The following AP1G2 variants were observed in gnomAD, a reference collection of about 807,000 sequenced individuals.
AP1G2 encodes AP-1 complex subunit gamma-like 2.
In AP1G2, 85 loss-of-function variants were observed where a neutral mutation model predicts 95.8. The ratio of observed to expected loss-of-function variants is 0.89; its 90% CI spans 0.74 to 1.06. The LOEUF is 1.06. Ranked by LOEUF, AP1G2 falls within the 50% of genes least tolerant of loss-of-function variation. The probability of loss-of-function intolerance (pLI) is 0.00; values close to 1 mark genes in which losing one functional copy is unlikely to be tolerated. For missense variants in AP1G2, 967 were observed against 1,005.8 expected, an observed-to-expected ratio of 0.96 and a Z score of 0.52; for synonymous variants, 378 against 400.0, an observed-to-expected ratio of 0.94 and a Z score of 0.66.
rs1469238781 is a variant in AP1G2, at chr14:23,567,196, C to A, written c.119G>T (p.Arg40Leu). 6.2e-7 allele frequency: 1 copy of A among 1,612,982 alleles called. No homozygotes were observed. The highest frequency in any genetic ancestry group is 1.1e-5 in the South Asian group (1 of 91,006). Residue 40 changes from arginine to leucine, a missense_variant, in exon 2 of 22, where the codon CGC (arginine) becomes CTC (leucine). Arg to Leu is a moderately radical substitution (Grantham distance 102, BLOSUM62 -2). Coordinates refer to ENST00000397120, the MANE Select transcript of AP1G2 (RefSeq NM_003917.5). The surrounding 1 kb of genome is among the most constrained non-coding windows in gnomAD (Gnocchi z 5.3). Reference protein sequence around the residue: ...KECAHIRASFRDGDPVHRHRQ... With the variant: ...KECAHIRASFLDGDPVHRHRQ... The stretch of plus-strand genomic sequence containing the variant: ...GTGCCTGTGCACTGGGTCCCCGTCG[C>A]GGAAGGAGGCCCGGATGTGGGCACA...
In AP1G2 at chr14:23,566,700, G is replaced by A; in HGVS notation, c.205-14C>T. 1.9e-6 allele frequency: 3 copies of A among 1,612,976 alleles called. No homozygotes were observed. Among genetic ancestry groups the A allele is most frequent in the Non-Finnish European group, 1.7e-6 (2 of 1,179,050 alleles). On this transcript the variant is annotated splice_polypyrimidine_tract_variant and intron_variant, in intron 2 of 21. Transcript: ENST00000397120. ...CAGGCACTCCATCTATAGTGAAGGGGGCAGACCAGGAAGAGGCAGGGGTGA... is the reference window on the plus strand; with the variant it reads ...CAGGCACTCCATCTATAGTGAAGGGAGCAGACCAGGAAGAGGCAGGGGTGA...
At position 23,560,300 on chromosome 14, in the gene AP1G2, T is replaced by G; in HGVS notation, c.2112A>C (p.Ser704=). The change falls in exon 20 of 22, where the codon TCA becomes TCC. Residue 704 remains serine, a synonymous_variant. Transcript: ENST00000397120. ...LLITITATNF[S]EGDVTHFICQ... ...AGATGAAATGGGTGACATCACCCTC[T>G]GAGAAGTTGGTGGCAGTGATGGTGA... 1 of 1,614,054 alleles carries G rather than the reference T, an allele frequency of 6.2e-7. No homozygotes were observed. Among genetic ancestry groups the G allele is most frequent in the Non-Finnish European group, 8.5e-7 (1 of 1,180,020 alleles).
chr14:23,559,848 G>A lies in AP1G2; in HGVS notation c.2259C>T (p.Ala753=), dbSNP rs1365527047. 3.7e-6 allele frequency: 6 copies of A among 1,613,936 alleles called. No homozygotes were observed. Among genetic ancestry groups the A allele is most frequent in the African/African-American group, 1.3e-5 (1 of 74,900 alleles). The stretch of plus-strand genomic sequence containing the variant: ...TGAGGCGCAGCTTTAGCCGCAGGGG[G>A]GCCTAGGAATAGGAGAGCAGGGACC... The part of the protein sequence containing the change: ...QLFRILNPNK[A]PLRLKLRLTY... The change falls in exon 22 of 22, where the codon GCC becomes GCT. Residue 753 remains alanine, a splice_region_variant and synonymous_variant. Coordinates refer to ENST00000397120, the MANE Select transcript of AP1G2 (RefSeq NM_003917.5).
rs199538115 is a variant in AP1G2, at chr14:23,566,268, G to A, written c.471+10C>T. The A allele has an allele frequency of 3.8e-5, 61 of 1,613,368 alleles. 1 individual carries two copies. The South Asian group carries it at 4.7e-4, about 12-fold the overall frequency. ...TGCAGGAGCACGTGCCAGGAGTCCCGCCATCTCACCTTCTTGCGCACGTAG... is the reference window on the plus strand; with the variant it reads ...TGCAGGAGCACGTGCCAGGAGTCCCACCATCTCACCTTCTTGCGCACGTAG... On this transcript the variant is annotated intron_variant, in intron 4 of 21. Transcript: ENST00000397120.
rs1888777923 is a variant in AP1G2, at chr14:23,567,773, CA to C, written c.-41del. 11 of 1,003,944 alleles carry C rather than the reference CA, an allele frequency of 1.1e-5. No homozygotes were observed. The South Asian group carries it at 4.4e-4, about 41-fold the overall frequency. 62.2% of individuals were successfully genotyped at this position (1,003,944 alleles called of 1,614,324 possible). ...GCCTCAACTCCGCTCCTCTGCCCCC[CA>C]GCGCTTCCTGGTACGGGGCCGAGCA... On this transcript the variant is annotated 5_prime_UTR_variant, in exon 1 of 22. Coordinates refer to ENST00000397120, the MANE Select transcript of AP1G2 (RefSeq NM_003917.5). This position sits in a 1 kb window ranked among gnomAD's most constrained non-coding sequence, Gnocchi z 5.3.
chr14:23,563,784 G>A lies in AP1G2; in HGVS notation c.1164C>T (p.Ala388=). The change falls in exon 12 of 22, where the codon GCC becomes GCT. Residue 388 remains alanine, a synonymous_variant. Transcript: ENST00000397120. The part of the protein sequence containing the change: ...NVRAMMQELQ[A]FLESCPPDLR... ...GGTCAGGAGGGCAGGACTCCAGAAA[G>A]GCCTGCAGCTCTTGCATCATGGCTC... 1 of 1,614,174 alleles carries A rather than the reference G, an allele frequency of 6.2e-7. No individual in the cohort carries two copies.
chr14:23,564,621 C>A lies in AP1G2; in HGVS notation c.862G>T (p.Ala288Ser). The A allele has an allele frequency of 6.2e-7, 1 of 1,613,752 alleles. No homozygotes were observed. The highest frequency in any genetic ancestry group is 2.2e-5 in the East Asian group (1 of 44,880). Residue 288 changes from alanine to serine, a missense_variant, in exon 9 of 22, where the codon GCG becomes TCG. Transcript: ENST00000397120. ...GTGAGTACTGTCTCAAACAGGACCG[C>A]ATTTCCGGCATTTCGGCTGGTGTCC... Reference protein sequence around the residue: ...NTDTSRNAGNAVLFETVLTIM... With the variant: ...NTDTSRNAGNSVLFETVLTIM...
chr14:23,566,744 C>T (rs1888228723), intron 2 of AP1G2, 58 bp from the exon 3 acceptor site: 1 of 1,593,444 alleles, frequency 6.3e-7, no homozygotes, highest in Non-Finnish European at 8.6e-7. Flanking sequence ...ACACTCACAT[C>T]CCTGTTCCAT....
Position 23,565,601 on chromosome 14 carries a change from C to T in AP1G2, c.741+5G>A, listed in dbSNP as rs774522496. 6.2e-7 allele frequency: 1 copy of T among 1,611,758 alleles called. No individual in the cohort carries two copies. The highest frequency in any genetic ancestry group is 8.5e-7 in the Non-Finnish European group (1 of 1,177,978). ...CAGGGATACAGCAGTGAAAGGTCAC[C>T]CCACCTGCAGGAAGGGGTCGCTGAC... On this transcript the variant is annotated splice_donor_5th_base_variant and intron_variant, in intron 7 of 21. Coordinates refer to ENST00000397120, the MANE Select transcript of AP1G2 (RefSeq NM_003917.5).
In AP1G2 at chr14:23,564,163, G is replaced by A. The variant is rs10152092; in HGVS notation, c.978-4C>T. 1.9e-6 allele frequency: 3 copies of A among 1,613,626 alleles called. No individual in the cohort carries two copies. The highest frequency in any genetic ancestry group is 1.6e-4 in the Middle Eastern group (1 of 6,084). On this transcript the variant is annotated splice_region_variant and splice_polypyrimidine_tract_variant and intron_variant, in intron 10 of 21. Coordinates refer to ENST00000397120, the MANE Select transcript of AP1G2 (RefSeq NM_003917.5). ...CAGTGATGTCAGGGCTACATACCTG[G>A]TCAGGATGGGGGAGGTTCTATCATA... is the stretch of plus-strand genomic sequence containing the variant.
intron 14 of AP1G2, 95 bp downstream of exon 14, chr14:23,563,285 T>A (rs898175702): frequency 1.3e-6 from 2 of 1,526,404 alleles, no homozygotes; most frequent in African/African-American, 2.7e-5. Flanking sequence ...GCTGTGACCT[T>A]GAGAGAAAAA....
rs748127582 is a variant in AP1G2, at chr14:23,564,620, G to C, written c.863C>G (p.Ala288Gly). Residue 288 changes from alanine (A) to glycine (G), a missense_variant, in exon 9 of 22, where the codon GCG becomes GGG. Ala to Gly is a moderately conservative substitution (Grantham distance 60). Transcript: ENST00000397120. ...GGTGAGTACTGTCTCAAACAGGACC[G>C]CATTTCCGGCATTTCGGCTGGTGTC... ...NTDTSRNAGN[A>G]VLFETVLTIM... 6.2e-7 allele frequency: 1 copy of C among 1,613,754 alleles called. No homozygotes were observed. Among genetic ancestry groups the C allele is most frequent in the Non-Finnish European group, 8.5e-7 (1 of 1,180,000 alleles).
chr14:23,560,868 T>C (rs1361960844), intron 19 of AP1G2: 1 of 159,376 alleles, frequency 6.3e-6, no homozygotes, highest in East Asian at 1.8e-4. Flanking sequence ...CCAGAATAAC[T>C]GGGGAGAACT....
rs750944758 is a variant in AP1G2, at chr14:23,561,536, T to C, written c.1833A>G (p.Ala611=). 9.3e-6 allele frequency: 15 copies of C among 1,614,188 alleles called. No homozygotes were observed. In the Admixed American group the frequency reaches 2.3e-4, roughly 25 times the overall value. Reference sequence around the variant, plus strand: ...CCTGGGGCTCTGTGGGCACTGGGGCTGCTTCTGAAAGCTGGGCTGCTTCTT... The same window carrying C: ...CCTGGGGCTCTGTGGGCACTGGGGCCGCTTCTGAAAGCTGGGCTGCTTCTT... ...ESKEAAQLSE[A]APVPTEPQAS... The change falls in exon 18 of 22, where the codon GCA becomes GCG. Residue 611 remains alanine, a synonymous_variant. Transcript: ENST00000397120.
In AP1G2 at chr14:23,564,547, CA is replaced by C. The variant is rs776416202; in HGVS notation, c.921+14del. Reference sequence around the variant, plus strand: ...GTGGGCGGGGCCGTAGTGGGAGAGGCATAAGGGGTGATACCCGTAGGCCAGC... The same window carrying C: ...GTGGGCGGGGCCGTAGTGGGAGAGGCTAAGGGGTGATACCCGTAGGCCAGC... On this transcript the variant is annotated intron_variant, in intron 9 of 21. Transcript: ENST00000397120. 14 of 1,612,364 alleles carry C rather than the reference CA, an allele frequency of 8.7e-6. No homozygotes were observed. In the Admixed American group the frequency reaches 1.8e-4, roughly 21 times the overall value.
Position 23,562,490 on chromosome 14 carries a change from C to T in AP1G2, c.1500+14G>A. The stretch of plus-strand genomic sequence containing the variant: ...GACAAGTCCCTCCTCAGTGTACCCC[C>T]AATGAGGTCTCACCTGAAGGGGCTC... On this transcript the variant is annotated intron_variant, in intron 15 of 21. Transcript: ENST00000397120. 1 of 1,613,112 alleles carries T rather than the reference C, an allele frequency of 6.2e-7. No homozygotes were observed. Among genetic ancestry groups the T allele is most frequent in the Non-Finnish European group, 8.5e-7 (1 of 1,179,380 alleles).
Position 23,561,298 on chromosome 14 carries a change from G to C in AP1G2, c.1991C>G (p.Pro664Arg). The C allele has an allele frequency of 6.5e-7, 1 of 1,531,452 alleles. No homozygotes were observed. The highest frequency in any genetic ancestry group is 8.8e-7 in the Non-Finnish European group (1 of 1,141,180). The allele number at this position is 1,531,452 out of a possible 1,614,324, so 94.9% of individuals were successfully genotyped here. A position where few individuals can be genotyped will look rare whatever the true frequency, so the allele number is the denominator to read the frequency against. ...LLDLPCVPPPPAPIPDLKVFE... is the reference protein window; with the variant it reads ...LLDLPCVPPPRAPIPDLKVFE... Reference sequence around the variant, plus strand: ...ATCTTCCCTTTGCTTAGGCTTACCTGGGGGTGGAGGTACACAGGGAAGGTC... The same window carrying C: ...ATCTTCCCTTTGCTTAGGCTTACCTCGGGGTGGAGGTACACAGGGAAGGTC... Residue 664 changes from proline to arginine, a missense_variant and splice_region_variant, in exon 19 of 22, where the codon CCA (proline) becomes CGA (arginine). Pro to Arg is a moderately radical substitution (Grantham distance 103). Coordinates refer to ENST00000397120, the MANE Select transcript of AP1G2 (RefSeq NM_003917.5).
chr14:23,567,734 C>T lies in AP1G2; in HGVS notation c.-6+5G>A, dbSNP rs1217665323. 3 of 1,022,216 alleles carry T rather than the reference C, an allele frequency of 2.9e-6. No homozygotes were observed. The highest frequency in any genetic ancestry group is 2.3e-6 in the Non-Finnish European group (2 of 852,968). 63.3% of individuals were successfully genotyped at this position (1,022,216 alleles called of 1,614,324 possible). On this transcript the variant is annotated splice_donor_5th_base_variant and intron_variant, in intron 1 of 21. Transcript: ENST00000397120. This position sits in a 1 kb window ranked among gnomAD's most constrained non-coding sequence, Gnocchi z 5.3. ...AGCCTGCCTACCCCAGGACTCCAGC[C>T]TCACCTGGCTTCTGCCTCAACTCCG... is the stretch of plus-strand genomic sequence containing the variant.
chr14:23,565,249 G>A (rs1887248750), intron 7 of AP1G2, 50 bp from the exon 8 acceptor site: 1 of 1,576,856 alleles, frequency 6.3e-7, no homozygotes, highest in Non-Finnish European at 8.7e-7. Context: ...AGGATAAGGA[G>A]TCGTGGGGCT....
Sources: allele counts gnomAD v4.1 joint callset, GRCh38; gene constraint gnomAD v4.1.1; non-coding constraint Gnocchi (gnomAD v3.1); transcripts MANE v1.5; gene names NCBI Gene and HGNC (gene_info 2026-07-23, HGNC 2026-07-21).